Variants in STX6 observed in about 807,000 individuals in gnomAD.
STX6 encodes the protein syntaxin 6.
A neutral mutation model predicts 38.0 loss-of-function variants in STX6; 23 were observed. The ratio of observed to expected loss-of-function variants is 0.60; its 90% CI spans 0.43 to 0.86. STX6 has a LOEUF of 0.86. Among genes scored for constraint, STX6 ranks in the 40% least tolerant of loss-of-function variants. STX6 has a pLI of 0.00. For missense variants in STX6, 274 were observed against 312.9 expected (o/e 0.88, Z 0.94); for synonymous variants, 123 against 107.5 (o/e 1.14, Z -0.89).
chr1:181,019,113 A>G (rs1309427859), intron 1 of STX6, among the ~76,000 whole-genome samples: 1 of 152,204 alleles, frequency 6.6e-6, no homozygotes. Context: ...AGCACTTTAC[A>G]TGTATGCCTG....
At chr1:181,022,311 G>C (rs550321202) in intron 1 of STX6, among the ~76,000 whole-genome samples, 3 of 152,312 alleles carry the variant, frequency 2.0e-5, no homozygotes, top group East Asian at 3.9e-4. Flanking sequence ...TAGACGGCCA[G>C]TGTGCGCCAG....
intron 1 of STX6, among the ~76,000 whole-genome samples, chr1:181,017,235 A>G (rs1656584906): frequency 6.6e-6 from 1 of 151,514 alleles, no homozygotes. Flanking sequence ...AAATACAAAA[A>G]AAAAAAAATT....
At chr1:181,020,010 A>G (rs1476860887) in intron 1 of STX6, among the ~76,000 whole-genome samples, 1 of 151,956 alleles carries the variant, frequency 6.6e-6, no homozygotes, top group African/African-American at 2.4e-5. Flanking sequence ...AAAAATACAA[A>G]AAATTAGCCG....
intron 1 of STX6, among the ~76,000 whole-genome samples, chr1:181,019,066 T>G (rs1308396019): frequency 6.6e-6 from 1 of 152,136 alleles, no homozygotes; most frequent in East Asian, 1.9e-4. Context: ...CATATGGGTG[T>G]TTTTACAGAG....
At chr1:181,014,783 C>T (rs1558100195) in intron 1 of STX6, among the ~76,000 whole-genome samples, 1 of 152,240 alleles carries the variant, frequency 6.6e-6, no homozygotes, top group Non-Finnish European at 1.5e-5. Context: ...AAAGGAAACA[C>T]ATGCACACCC....
chr1:180,982,708 G>A (rs545643668), intron 7 of STX6, among the ~76,000 whole-genome samples: 1 of 152,190 alleles, frequency 6.6e-6, no homozygotes, highest in African/African-American at 2.4e-5. Flanking sequence ...GAGGCCTGGA[G>A]TTTAAACTGG....
chr1:181,017,459 A>G (rs1464261813), intron 1 of STX6, among the ~76,000 whole-genome samples: 3 of 152,228 alleles, frequency 2.0e-5, no homozygotes, highest in Admixed American at 6.5e-5. Flanking sequence ...CCACAGCAAT[A>G]AAATAGCAAA....
At chr1:181,006,824 C>T (rs915227995) in intron 1 of STX6, among the ~76,000 whole-genome samples, 5 of 152,102 alleles carry the variant, frequency 3.3e-5, no homozygotes, top group South Asian at 2.1e-4. Flanking sequence ...AGCTAAGAGG[C>T]GGAACGTTAA....
chr1:180,987,759 AAG>A (rs1655629640), intron 6 of STX6: 2 of 151,422 alleles, frequency 1.3e-5, no homozygotes, highest in South Asian at 4.2e-4. Flanking sequence ...TCTGAGAGGA[AAG>A]AGTTTTTATT....
rs542025409 is a variant in STX6, at chr1:180,982,068, T to A, written c.691+2609A>T. ...TGGGTAGGAGAATACAATTAGTGTC[T>A]CTCTTGGGTCATTCAAAAAAGTAAA... On this transcript the variant is annotated intron_variant, in intron 7 of 7. Transcript: ENST00000258301. Among the ~76,000 whole-genome samples, 3 of 152,286 alleles carry A rather than the reference T, an allele frequency of 2.0e-5. No individual in the cohort carries two copies. The East Asian group carries it at 5.8e-4, about 29-fold the overall frequency.
At chr1:180,981,838 C>T (rs1273678354) in intron 7 of STX6, among the ~76,000 whole-genome samples, 1 of 152,138 alleles carries the variant, frequency 6.6e-6, no homozygotes, top group African/African-American at 2.4e-5. Flanking sequence ...ACCACAGGGG[C>T]TCTTGTGACC....
chr1:181,016,201 A>G (rs1656551155), intron 1 of STX6, among the ~76,000 whole-genome samples: 1 of 150,638 alleles, frequency 6.6e-6, no homozygotes, highest in Admixed American at 6.7e-5. Flanking sequence ...ATTCTGTTTC[A>G]GTTGGCAGGT....
intron 2 of STX6, 54 bp downstream of exon 2, chr1:181,005,240 C>T: frequency 6.4e-7 from 1 of 1,557,100 alleles, no homozygotes; most frequent in South Asian, 1.2e-5. Flanking sequence ...TGGAGAAAAA[C>T]TTGTCCATTT....
chr1:180,997,444 G>GTCC (rs199531545), intron 3 of STX6, among the ~76,000 whole-genome samples: 2,120 of 152,212 alleles, frequency 0.014, 46 homozygotes, highest in Admixed American at 0.046. Context: ...TTTTTCAATT[G>GTCC]TAAGTTCTGT....
At chr1:180,979,842 A>G (rs1357199511) in intron 7 of STX6, among the ~76,000 whole-genome samples, 1 of 130,712 alleles carries the variant, frequency 7.7e-6, no homozygotes, top group Non-Finnish European at 1.7e-5. Context: ...AGAATTTTTA[A>G]AACTCACCAG....
intron 3 of STX6, among the ~76,000 whole-genome samples, chr1:180,997,589 TA>T (rs1444775429): frequency 2.6e-5 from 4 of 152,222 alleles, no homozygotes; most frequent in Non-Finnish European, 5.9e-5. Flanking sequence ...ATATCTCTTA[TA>T]TTGACTACAT....
chr1:180,989,895 T>C, intron 5 of STX6, 89 bp downstream of exon 5: 1 of 1,513,578 alleles, frequency 6.6e-7, no homozygotes, highest in African/African-American at 1.4e-5. Flanking sequence ...TCCTTGTCAC[T>C]AAGCCACAAG....
rs531525526 is a variant in STX6, at chr1:180,976,505, T to C, written c.*65A>G. 2.2e-6 allele frequency: 3 copies of C among 1,390,932 alleles called. No individual in the cohort carries two copies. The highest frequency in any genetic ancestry group is 4.6e-5 in the East Asian group (2 of 43,824). The allele number at this position is 1,390,932 out of a possible 1,614,324, so 86.2% of individuals were successfully genotyped here. On this transcript the variant is annotated 3_prime_UTR_variant, in exon 8 of 8. Coordinates refer to ENST00000258301, the MANE Select transcript of STX6 (RefSeq NM_005819.6). ...TGTGAGTAGACGGCAATGTCACACG[T>C]GCTCAGCTTCTCCTCCTCCCCTCGG...
chr1:181,022,247 T>C (rs967643034), intron 1 of STX6, among the ~76,000 whole-genome samples: 5 of 152,146 alleles, frequency 3.3e-5, no homozygotes, highest in African/African-American at 1.2e-4. Flanking sequence ...GCCATTTCCC[T>C]TTTCCTGCCC....
Sources: gnomAD v4.1 joint callset for allele counts (sites outside exome capture counted in the v4.1 genomes callset) on GRCh38, gnomAD v4.1.1 for gene constraint, MANE v1.5 for transcripts, NCBI Gene and HGNC (gene_info 2026-07-23, HGNC 2026-07-21) for gene names.